RPL3: variants seen among roughly 807,000 people sequenced by gnomAD.
RPL3 encodes the protein large ribosomal subunit protein uL3.
A neutral mutation model predicts 46.0 loss-of-function variants in RPL3; 3 were observed. The ratio of observed to expected loss-of-function variants is 0.07; its 90% CI spans 0.03 to 0.17. RPL3 has a LOEUF of 0.17. Ranked by LOEUF, RPL3 falls within the 10% of genes least tolerant of loss-of-function variation. The pLI, the probability that RPL3 is intolerant of heterozygous loss-of-function variation, is 1.00. For missense variants in RPL3, 387 were observed against 532.7 expected (o/e 0.73, Z 2.69); for synonymous variants, 224 against 190.8 (o/e 1.17, Z -1.43).
At chr22:39,315,703 G>A (rs1922643836) in intron 4 of RPL3, 148 bp from the exon 5 acceptor site, 2 of 930,082 alleles carry the variant, frequency 2.2e-6, no homozygotes, top group African/African-American at 1.7e-5. Context: ...CCAAGAGGAA[G>A]GAACTTTCAT....
At chr22:39,319,152 G>A (rs753527897) in intron 1 of RPL3, 2 of 543,086 alleles carry the variant, frequency 3.7e-6, no homozygotes, top group Non-Finnish European at 7.5e-6. Flanking sequence ...GTGCACCAGC[G>A]GCCCCAGATA....
chr22:39,313,882 C>G (rs1403659375), intron 7 of RPL3, 153 bp from the exon 8 acceptor site: 3 of 881,672 alleles, frequency 3.4e-6, no homozygotes, highest in African/African-American at 3.3e-5. Flanking sequence ...CTGTGCCCAG[C>G]GCACATTCCA....
At chr22:39,317,754 A>T in intron 2 of RPL3, 125 bp from the exon 3 acceptor site, 1 of 1,023,328 alleles carries the variant, frequency 9.8e-7, no homozygotes, top group Non-Finnish European at 1.5e-6. Flanking sequence ...TGCAGTACGG[A>T]CTCACAGGGC....
intron 2 of RPL3, 68 bp from the exon 3 acceptor site, chr22:39,317,697 A>T: frequency 2.5e-6 from 4 of 1,576,602 alleles, no homozygotes; most frequent in Non-Finnish European, 3.5e-6. Context: ...TTTCTAGGAA[A>T]ATGCAAAGTG....
intron 1 of RPL3, chr22:39,319,286 C>T (rs1388092824): frequency 7.5e-6 from 4 of 535,624 alleles, no homozygotes; most frequent in Non-Finnish European, 1.4e-5. Context: ...CTAATCCCAA[C>T]TAATGATAGA....
chr22:39,316,579 AG>A, intron 4 of RPL3, 126 bp downstream of exon 4: 1 of 1,211,846 alleles, frequency 8.3e-7, no homozygotes, highest in Non-Finnish European at 1.2e-6. Context: ...AGGGCCAGTA[AG>A]GACACAGTGC....
At position 39,313,604 on chromosome 22, in the gene RPL3, C is replaced by T. The variant is rs781684456; in HGVS notation, c.1047+30G>A. 6 of 1,600,376 alleles carry T rather than the reference C, an allele frequency of 3.7e-6. No individual in the cohort carries two copies. The Middle Eastern group carries it at 9.4e-4, about 252-fold the overall frequency. The stretch of plus-strand genomic sequence containing the variant: ...CCTTGGATCCTCCCTCTACAAGAGC[C>T]CCCCCATGACAAGTCAGGACCTGCC... On this transcript the variant is annotated intron_variant, in intron 8 of 9. Coordinates refer to ENST00000216146, the MANE Select transcript of RPL3 (RefSeq NM_000967.4).
At chr22:39,317,832 A>G in intron 2 of RPL3, 3 of 571,504 alleles carry the variant, frequency 5.2e-6, no homozygotes, top group Non-Finnish European at 9.3e-6. Context: ...TCAGGACCCT[A>G]GACAGCCAAA....
chr22:39,313,397 C>CCA, intron 8 of RPL3, 87 bp from the exon 9 acceptor site: 1 of 1,571,668 alleles, frequency 6.4e-7, no homozygotes, highest in Non-Finnish European at 8.7e-7. Flanking sequence ...ATCTGGGAAG[C>CCA]CACACGATCA....
chr22:39,314,661 C>T, intron 6 of RPL3, 25 bp downstream of exon 6: 1 of 1,599,580 alleles, frequency 6.3e-7, no homozygotes, highest in African/African-American at 1.3e-5. Context: ...TTCCCACCCC[C>T]AGGGAGCCAC....
Position 39,316,640 on chromosome 22 carries a change from C to T in RPL3, c.501+66G>A, listed in dbSNP as rs1922710837. On this transcript the variant is annotated intron_variant, in intron 4 of 9. Coordinates refer to ENST00000216146, the MANE Select transcript of RPL3 (RefSeq NM_000967.4). ...ACCCATAAGCGTGCGGGCACGGGAC[C>T]CCCATGATCACATAGGTCACTTCTA... 5 of 1,602,102 alleles carry T rather than the reference C, an allele frequency of 3.1e-6. No homozygotes were observed. In the Admixed American group the frequency reaches 6.7e-5, roughly 21 times the overall value.
Position 39,317,548 on chromosome 22 carries a change from A to C in RPL3, c.278T>G (p.Val93Gly). ...GGTCCGGAGGCCTCGAGGGGTTTCC[A>C]CGTAGCCCACAATGCCCACAACCAC... ...PMVVVGIVGY[V>G]ETPRGLRTFK... The change falls in exon 3 of 10, where the codon GTG becomes GGG. Residue 93 changes from valine (V) to glycine (G), a missense_variant. By Grantham distance (109) the Val-to-Gly change is moderately radical. Coordinates refer to ENST00000216146, the MANE Select transcript of RPL3 (RefSeq NM_000967.4). 1 of 1,613,970 alleles carries C rather than the reference A, an allele frequency of 6.2e-7. No homozygotes were observed. Among genetic ancestry groups the C allele is most frequent in the Non-Finnish European group, 8.5e-7 (1 of 1,179,868 alleles).
rs1199222913 is a variant in RPL3 at position 39,314,073 on chromosome 22, G to A, written c.951+34C>T. 3.2e-6 allele frequency: 5 copies of A among 1,567,828 alleles called. No homozygotes were observed. In the African/African-American group the frequency reaches 6.8e-5, roughly 21 times the overall value. On this transcript the variant is annotated intron_variant, in intron 7 of 9. Transcript: ENST00000216146. ...CTATCCCCAAAAGCACGAGGCCTGG[G>A]ATGGCCTCACAGAGCAGAACACCCA...
Position 39,316,771 on chromosome 22 carries a change from G to A in RPL3, c.436C>T (p.Leu146=), listed in dbSNP as rs201675799. 15 of 1,613,858 alleles carry A rather than the reference G, an allele frequency of 9.3e-6. No homozygotes were observed. In the African/African-American group the frequency reaches 1.9e-4, roughly 20 times the overall value. The part of the protein sequence containing the change: ...KWQDEDGKKQ[L]EKDFSSMKKY... ...TTCATGCTGCTGAAGTCCTTCTCCA[G>A]CTGCTTCTTGCCATCCTCATCCTGC... is the stretch of plus-strand genomic sequence containing the variant. The change falls in exon 4 of 10, where the codon CTG becomes TTG. Residue 146 remains leucine (L), a synonymous_variant. Transcript: ENST00000216146.
intron 7 of RPL3, 39 bp from the exon 8 acceptor site, chr22:39,313,768 G>C: frequency 6.3e-7 from 1 of 1,591,638 alleles, no homozygotes; most frequent in Non-Finnish European, 8.6e-7. Flanking sequence ...GCCCAGGAGG[G>C]GATTGTCGTG....
chr22:39,316,837 T>C lies in RPL3; in HGVS notation c.370A>G (p.Lys124Glu). Reference protein sequence around the residue: ...CKRRFYKNWHKSKKKAFTKYC... With the variant: ...CKRRFYKNWHESKKKAFTKYC... Reference sequence around the variant, plus strand: ...TTGGTAAAGGCCTTCTTCTTAGATTTATGCCTTCAGGAGCAGAGCAGAGTT... The same window carrying C: ...TTGGTAAAGGCCTTCTTCTTAGATTCATGCCTTCAGGAGCAGAGCAGAGTT... The change falls in exon 4 of 10, where the codon AAA (lysine) becomes GAA (glutamate). Residue 124 changes from lysine (K) to glutamate (E), a missense_variant. Lys to Glu is a moderately conservative substitution (Grantham distance 56). This residue lies in a region of RPL3 where 196 missense variants were observed against 217.5 expected (regional missense o/e 0.90). Transcript: ENST00000216146. 6 of 1,613,878 alleles carry C rather than the reference T, an allele frequency of 3.7e-6. No individual in the cohort carries two copies. The highest frequency in any genetic ancestry group is 5.1e-6 in the Non-Finnish European group (6 of 1,180,024).
At chr22:39,319,427 A>C (rs1922911795) in intron 1 of RPL3, 168 bp downstream of exon 1, 4 of 928,564 alleles carry the variant, frequency 4.3e-6, no homozygotes, top group Non-Finnish European at 6.6e-6. Flanking sequence ...CGCTCTTCAC[A>C]AGCCTCTCGA....
chr22:39,318,206 T>C (rs1601631656), intron 2 of RPL3, 194 bp downstream of exon 2: 9 of 598,756 alleles, frequency 1.5e-5, no homozygotes, highest in Middle Eastern at 2.8e-4. Flanking sequence ...AAGCAAACAG[T>C]GCTGACCATC....
At chr22:39,317,419 C>A in intron 3 of RPL3, 42 bp downstream of exon 3, 1 of 1,572,412 alleles carries the variant, frequency 6.4e-7, no homozygotes, top group Non-Finnish European at 8.6e-7. Context: ...CTCTCCAGCT[C>A]CCAAGCTCCC....
Sources: allele counts gnomAD v4.1 joint callset, GRCh38; gene constraint gnomAD v4.1.1; regional missense constraint gnomAD v4.1.1; transcripts MANE v1.5; gene names NCBI Gene and HGNC (gene_info 2026-07-23, HGNC 2026-07-21).